Variants in MNAT1 observed in about 807,000 individuals in gnomAD.
MNAT1 encodes the protein CDK-activating kinase assembly factor MAT1.
In MNAT1, 43 loss-of-function variants were observed where a neutral mutation model predicts 42.0. The ratio of observed to expected loss-of-function variants is 1.02; its 90% CI spans 0.80 to 1.32. The LOEUF (loss-of-function observed/expected upper bound fraction) is 1.32, where lower values mean the gene tolerates loss of function less well. MNAT1 is among the 40% of genes most tolerant of loss of function. The pLI is 0.00. For synonymous variants in MNAT1, 118 were observed against 120.0 expected (o/e 0.98, Z 0.11); for missense variants, 306 against 350.4 (o/e 0.87, Z 1.01).
chr14:60,746,071 C>T (rs1251966266), intron 1 of MNAT1, among the ~76,000 whole-genome samples: 1 of 152,056 alleles, frequency 6.6e-6, no homozygotes, highest in Non-Finnish European at 1.5e-5. Flanking sequence ...AGAAAGAACA[C>T]CAAATCTCAA....
At chr14:60,799,553 G>A (rs1347421557) in intron 3 of MNAT1, among the ~76,000 whole-genome samples, 1 of 152,114 alleles carries the variant, frequency 6.6e-6, no homozygotes, top group East Asian at 1.9e-4. Context: ...TGCAGTACAA[G>A]TTGAATACAT....
intron 1 of MNAT1, among the ~76,000 whole-genome samples, chr14:60,744,676 A>G (rs764168167): frequency 6.6e-6 from 1 of 152,192 alleles, no homozygotes; most frequent in South Asian, 2.1e-4. Context: ...TGGAGAACCC[A>G]TTGTTTCCTT....
intron 6 of MNAT1, among the ~76,000 whole-genome samples, chr14:60,867,524 G>A (rs964775844): frequency 2.2e-4 from 33 of 152,068 alleles, no homozygotes; most frequent in African/African-American, 7.7e-4. Context: ...TTCTAATAGA[G>A]TTGGGAATCT....
chr14:60,944,458 G>A (rs1033068091), intron 7 of MNAT1, among the ~76,000 whole-genome samples: 1 of 152,148 alleles, frequency 6.6e-6, no homozygotes, highest in African/African-American at 2.4e-5. Flanking sequence ...GAGAGCCCTC[G>A]CCAGCAACCA....
intron 7 of MNAT1, among the ~76,000 whole-genome samples, chr14:60,929,002 G>A (rs2035823015): frequency 6.6e-6 from 1 of 150,536 alleles, no homozygotes; most frequent in Non-Finnish European, 1.5e-5. Flanking sequence ...CAAAAAATTA[G>A]CCAGTGTGGT....
intron 7 of MNAT1, among the ~76,000 whole-genome samples, chr14:60,915,362 C>G (rs1159457926): frequency 6.6e-6 from 1 of 152,160 alleles, no homozygotes; most frequent in Admixed American, 6.5e-5. Context: ...ATTGAGTCAT[C>G]TTCCCTATAT....
At chr14:60,929,457 TTTGTATGTGG>T (rs954613677) in intron 7 of MNAT1, among the ~76,000 whole-genome samples, 2 of 151,942 alleles carry the variant, frequency 1.3e-5, no homozygotes, top group Non-Finnish European at 2.9e-5. Context: ...TAAATTAATT[TTTGTATGTGG>T]TGTGGGCTAA....
intron 7 of MNAT1, among the ~76,000 whole-genome samples, chr14:60,907,618 T>G (rs1257999345): frequency 6.6e-6 from 1 of 150,488 alleles, no homozygotes; most frequent in African/African-American, 2.4e-5. Context: ...CTGTCTCTAT[T>G]AAAAAAATAC....
chr14:60,951,277 T>TA, intron 7 of MNAT1, among the ~76,000 whole-genome samples: 1 of 150,896 alleles, frequency 6.6e-6, no homozygotes, highest in South Asian at 2.1e-4. Context: ...TTTTTTTTTT[T>TA]TTTTTTTTTG....
intron 1 of MNAT1, among the ~76,000 whole-genome samples, chr14:60,754,636 A>G (rs1594726193): frequency 6.6e-6 from 1 of 152,142 alleles, no homozygotes; most frequent in Non-Finnish European, 1.5e-5. Context: ...GGCGTGAGCC[A>G]CCGCGCCTGG....
chr14:60,741,123 G>A (rs1896446801), intron 1 of MNAT1, among the ~76,000 whole-genome samples: 1 of 152,066 alleles, frequency 6.6e-6, no homozygotes. Flanking sequence ...CTTGTAATAT[G>A]CTTTTTCCTG....
intron 6 of MNAT1, among the ~76,000 whole-genome samples, chr14:60,862,244 G>A (rs2034113301): frequency 6.6e-6 from 1 of 152,142 alleles, no homozygotes; most frequent in African/African-American, 2.4e-5. Flanking sequence ...TATTAAGCAA[G>A]GAGAGTAATT....
chr14:60,872,534 T>TC (rs749427076), intron 6 of MNAT1, among the ~76,000 whole-genome samples: 4 of 151,738 alleles, frequency 2.6e-5, no homozygotes, highest in East Asian at 1.9e-4. Context: ...TTTTTTCTCT[T>TC]CCCCCCCATT....
chr14:60,901,447 C>T (rs1370980994), intron 7 of MNAT1, among the ~76,000 whole-genome samples: 1 of 152,196 alleles, frequency 6.6e-6, no homozygotes, highest in Non-Finnish European at 1.5e-5. Flanking sequence ...GTAATTTTGA[C>T]TTTTCAGTCT....
chr14:60,735,096 A>C, intron 1 of MNAT1, 145 bp downstream of exon 1: 1 of 792,544 alleles, frequency 1.3e-6, no homozygotes, highest in Non-Finnish European at 2.1e-6. Context: ...AGGCGTTGTG[A>C]CTTTAAATAG....
chr14:60,794,204 C>T (rs1338796658), intron 1 of MNAT1, among the ~76,000 whole-genome samples: 1 of 152,100 alleles, frequency 6.6e-6, no homozygotes, highest in African/African-American at 2.4e-5. Context: ...TGCCTGTTTT[C>T]ACCTTCCATG....
At chr14:60,810,535 A>C (rs1270733498) in intron 4 of MNAT1, among the ~76,000 whole-genome samples, 3 of 151,930 alleles carry the variant, frequency 2.0e-5, no homozygotes, top group Non-Finnish European at 1.5e-5. Flanking sequence ...TTGGTATGCT[A>C]TGTTTTTGTT....
intron 7 of MNAT1, among the ~76,000 whole-genome samples, chr14:60,887,531 G>A (rs917161188): frequency 3.3e-5 from 5 of 151,192 alleles, no homozygotes; most frequent in African/African-American, 7.3e-5. Flanking sequence ...ATGATTTCCA[G>A]TTTCATCCAT....
intron 1 of MNAT1, among the ~76,000 whole-genome samples, chr14:60,773,125 A>T (rs2031123873): frequency 6.6e-6 from 1 of 151,910 alleles, no homozygotes; most frequent in Non-Finnish European, 1.5e-5. Flanking sequence ...TTTAGTAGAG[A>T]TGGGGGTTTC....
Sources: gnomAD v4.1 joint callset for allele counts (sites outside exome capture counted in the v4.1 genomes callset) on GRCh38, gnomAD v4.1.1 for gene constraint, MANE v1.5 for transcripts, NCBI Gene and HGNC (gene_info 2026-07-23, HGNC 2026-07-21) for gene names.